The following FOXM1 variants were observed in gnomAD, a reference collection of about 807,000 sequenced individuals.
The protein encoded by FOXM1 is forkhead box protein M1.
Under a neutral mutation model 63.6 loss-of-function variants are expected in FOXM1, and 25 were observed. The ratio of observed to expected loss-of-function variants is 0.39; its 90% CI spans 0.29 to 0.55. The LOEUF is 0.55. Among genes scored for constraint, FOXM1 ranks in the 20% least tolerant of loss-of-function variants. The pLI, the probability that FOXM1 is intolerant of heterozygous loss-of-function variation, is 0.60. For missense variants in FOXM1, 879 were observed against 958.7 expected, an observed-to-expected ratio of 0.92 and a Z score of 1.10; for synonymous variants, 387 against 376.9, an observed-to-expected ratio of 1.03 and a Z score of -0.31.
At chr12:2,862,161 A>T (rs1475221722) in intron 8 of FOXM1, among the ~76,000 whole-genome samples, 1 of 150,900 alleles carries the variant, frequency 6.6e-6, no homozygotes, top group Non-Finnish European at 1.5e-5. Context: ...CCTGGGCGAC[A>T]GAGTGAGACT....
chr12:2,876,476 G>C (rs1391707053), intron 1 of FOXM1: 2 of 152,168 alleles, frequency 1.3e-5, no homozygotes, highest in African/African-American at 4.8e-5. Flanking sequence ...GGGAAATCTT[G>C]CTACATTCTC....
At position 2,874,582 on chromosome 12, in the gene FOXM1, C is replaced by T; in HGVS notation, c.-47-57G>A. Reference sequence around the variant, plus strand: ...AGATTGTTTAGGCTGAGAAGAGGTCCTTTTAGAGAAAGGTGCTCCTCTTTA... The same window carrying T: ...AGATTGTTTAGGCTGAGAAGAGGTCTTTTTAGAGAAAGGTGCTCCTCTTTA... On this transcript the variant is annotated intron_variant, in intron 1 of 8. Coordinates refer to ENST00000359843, the MANE Select transcript of FOXM1 (RefSeq NM_021953.4). The surrounding 1 kb of genome is among the most constrained non-coding windows in gnomAD (Gnocchi z 4.3). 2 of 1,237,912 alleles carry T rather than the reference C, an allele frequency of 1.6e-6. No homozygotes were observed. Among genetic ancestry groups the T allele is most frequent in the Non-Finnish European group, 2.2e-6 (2 of 893,794 alleles). 76.7% of individuals were successfully genotyped at this position (1,237,912 alleles called of 1,614,324 possible).
chr12:2,871,961 T>G (rs1165090686), intron 3 of FOXM1, 135 bp downstream of exon 3: 1 of 940,082 alleles, frequency 1.1e-6, no homozygotes, highest in Non-Finnish European at 1.7e-6. Context: ...TCAAAAGTTA[T>G]GCAGAATAGC....
At position 2,874,131 on chromosome 12, in the gene FOXM1, A is replaced by T. The variant is rs759840590; in HGVS notation, c.348T>A (p.Thr116=). 2 of 1,614,120 alleles carry T rather than the reference A, an allele frequency of 1.2e-6. No individual in the cohort carries two copies. Among genetic ancestry groups the T allele is most frequent in the Admixed American group, 3.3e-5 (2 of 60,006 alleles). The part of the protein sequence containing the change: ...FILISCGGAP[T]QPPGLRPQTQ... The stretch of plus-strand genomic sequence containing the variant: ...TTTGAGGCCGGAGTCCTGGAGGCTG[A>T]GTTGGGGCTCCCCCACAGCTGATGA... Residue 116 remains threonine, a synonymous_variant, in exon 2 of 9, where the codon ACT becomes ACA. Coordinates refer to ENST00000359843, the MANE Select transcript of FOXM1 (RefSeq NM_021953.4). The surrounding 1 kb of genome is among the most constrained non-coding windows in gnomAD (Gnocchi z 4.3).
intron 8 of FOXM1, among the ~76,000 whole-genome samples, chr12:2,860,637 C>A (rs908370466): frequency 3.3e-5 from 5 of 152,026 alleles, no homozygotes; most frequent in Non-Finnish European, 5.9e-5. Context: ...CTTTGGGAGG[C>A]CAAGGCAGGC....
At chr12:2,862,288 TGTATA>T (rs1382429551) in intron 8 of FOXM1, among the ~76,000 whole-genome samples, 9 of 151,986 alleles carry the variant, frequency 5.9e-5, no homozygotes, top group South Asian at 2.1e-4. Context: ...TCGCTATACA[TGTATA>T]GTATAACTAA....
Position 2,872,173 on chromosome 12 carries a change from C to G in FOXM1, c.577G>C (p.Asp193His). ...TTGATGCTGCGGGAGCCCAGTCCAT[C>G]AGAACTCATCTTTCGAAGCCACTGG... is the stretch of plus-strand genomic sequence containing the variant. Reference protein sequence around the residue: ...NIQWLRKMSSDGLGSRSIKQE... With the variant: ...NIQWLRKMSSHGLGSRSIKQE... Residue 193 changes from aspartate to histidine, a missense_variant, in exon 3 of 9, where the codon GAT becomes CAT. This residue lies in a region of FOXM1 where 255 missense variants were observed against 292.4 expected (regional missense o/e 0.87). Transcript: ENST00000359843. The surrounding 1 kb of genome is among the most constrained non-coding windows in gnomAD (Gnocchi z 4.0). The G allele has an allele frequency of 6.2e-7, 1 of 1,614,194 alleles. No individual in the cohort carries two copies. Among genetic ancestry groups the G allele is most frequent in the Middle Eastern group, 1.6e-4 (1 of 6,062 alleles).
intron 8 of FOXM1, among the ~76,000 whole-genome samples, chr12:2,863,021 GC>G (rs2098116773): frequency 6.6e-6 from 1 of 152,058 alleles, no homozygotes; most frequent in African/African-American, 2.4e-5. Context: ...ATCCAAGTTG[GC>G]TCTGAATTTA....
rs374998139 is a variant in FOXM1 at position 2,859,049 on chromosome 12, C to T, written c.1881G>A (p.Thr627=). 209 of 1,608,056 alleles carry T rather than the reference C, an allele frequency of 1.3e-4. 2 individuals carry two copies. The Middle Eastern group carries it at 2.0e-3, about 15-fold the overall frequency. ...LPRTPESWRL[T]PPAKVGGLDF... ...CCAGTCCCCCTACTTTGGCTGGGGG[C>T]GTGAGCCTCCAGGATTCAGGGGTTC... Residue 627 remains threonine, a synonymous_variant, in exon 9 of 9, where the codon ACG becomes ACA. Coordinates refer to ENST00000359843, the MANE Select transcript of FOXM1 (RefSeq NM_021953.4).
chr12:2,873,874 G>T, intron 2 of FOXM1, 103 bp downstream of exon 2: 1 of 1,340,934 alleles, frequency 7.5e-7, no homozygotes, highest in South Asian at 1.4e-5. Flanking sequence ...CACTGTGCTC[G>T]GCCAGAAGCC....
At position 2,864,232 on chromosome 12, in the gene FOXM1, G is replaced by C; in HGVS notation, c.1266+88C>G. 1 of 1,193,894 alleles carries C rather than the reference G, an allele frequency of 8.4e-7. No homozygotes were observed. Among genetic ancestry groups the C allele is most frequent in the Non-Finnish European group, 1.2e-6 (1 of 839,862 alleles). 74.0% of individuals were successfully genotyped at this position (1,193,894 alleles called of 1,614,324 possible). ...CCCAACTAGATTTATAAGCTCTCAA[G>C]GAACACTTATCAGAGTGCTTTGCAA... On this transcript the variant is annotated intron_variant, in intron 8 of 8. Coordinates refer to ENST00000359843, the MANE Select transcript of FOXM1 (RefSeq NM_021953.4). This position sits in a 1 kb window ranked among gnomAD's most constrained non-coding sequence, Gnocchi z 5.1.
chr12:2,873,973 A>G lies in FOXM1; in HGVS notation c.502+4T>C. On this transcript the variant is annotated splice_donor_region_variant and intron_variant, in intron 2 of 8. Coordinates refer to ENST00000359843, the MANE Select transcript of FOXM1 (RefSeq NM_021953.4). ...CTCACCCCTTTCCCTGGAAGACCAC[A>G]TACCACAGGTCTCCCGTTTCTGCTC... 6.2e-7 allele frequency: 1 copy of G among 1,607,318 alleles called. No individual in the cohort carries two copies.
chr12:2,859,582 A>G lies in FOXM1; in HGVS notation c.1348T>C (p.Phe450Leu), dbSNP rs28919868. 0.011 allele frequency: 18,509 copies of G among 1,613,496 alleles called. 1,784 individuals carry two copies. The African/African-American group carries it at 0.21, about 18-fold the overall frequency. The change falls in exon 9 of 9, where the codon TTT (phenylalanine) becomes CTT (leucine). Residue 450 changes from phenylalanine to leucine, a missense_variant. Transcript: ENST00000359843. The part of the protein sequence containing the change: ...KEEKLLFGEG[F>L]SPLLPVQTIK... ...GTCTGAACTGGAAGCAAAGGAGAAA[A>G]CCCTTCTCCAAACAGGAGTTTCTCC...
rs2098097086 is a variant in FOXM1 at position 2,858,539 on chromosome 12, AG to A, written c.*98del. ...AGCAGGGAGCTATGAGGAGCAGAACAGTCCCTGCCTGCTGTCCTCACTCAGA... is the reference window on the plus strand; with the variant it reads ...AGCAGGGAGCTATGAGGAGCAGAACATCCCTGCCTGCTGTCCTCACTCAGA... On this transcript the variant is annotated 3_prime_UTR_variant, in exon 9 of 9. Transcript: ENST00000359843. 1.9e-6 allele frequency: 2 copies of A among 1,028,344 alleles called. No homozygotes were observed. Among genetic ancestry groups the A allele is most frequent in the South Asian group, 3.2e-5 (2 of 62,528 alleles). 63.7% of individuals were successfully genotyped at this position (1,028,344 alleles called of 1,614,324 possible). A position where few individuals can be genotyped will look rare whatever the true frequency, so the allele number is the denominator to read the frequency against.
intron 4 of FOXM1, 29 bp from the exon 5 acceptor site, chr12:2,866,550 C>A: frequency 6.7e-7 from 1 of 1,491,816 alleles, no homozygotes; most frequent in South Asian, 1.4e-5. Context: ...AACTGGTTAT[C>A]AGCTACTTTA....
intron 2 of FOXM1, among the ~76,000 whole-genome samples, chr12:2,873,109 A>T (rs892159160): frequency 6.6e-6 from 1 of 152,110 alleles, no homozygotes; most frequent in African/African-American, 2.4e-5. Flanking sequence ...ATCAAGAAGG[A>T]AAATGAGGCC....
In FOXM1 at chr12:2,864,933, G is replaced by C. The variant is rs1192650756; in HGVS notation, c.1021-181C>G. The C allele has an allele frequency of 6.1e-6, 4 of 655,074 alleles. No homozygotes were observed. Among genetic ancestry groups the C allele is most frequent in the Non-Finnish European group, 1.1e-5 (4 of 367,882 alleles). 40.6% of individuals were successfully genotyped at this position (655,074 alleles called of 1,614,324 possible). ...CAGTCTCCAAAACTGTGATGAGTGGGCAGGTGGGTGGCCTACAGACACATG... is the reference window on the plus strand; with the variant it reads ...CAGTCTCCAAAACTGTGATGAGTGGCCAGGTGGGTGGCCTACAGACACATG... On this transcript the variant is annotated intron_variant, in intron 6 of 8. Coordinates refer to ENST00000359843, the MANE Select transcript of FOXM1 (RefSeq NM_021953.4). This position sits in a 1 kb window ranked among gnomAD's most constrained non-coding sequence, Gnocchi z 5.1.
At position 2,859,008 on chromosome 12, in the gene FOXM1, T is replaced by C. The variant is rs2098100873; in HGVS notation, c.1922A>G (p.Gln641Arg). 6.2e-7 allele frequency: 1 copy of C among 1,612,432 alleles called. No homozygotes were observed. The highest frequency in any genetic ancestry group is 1.3e-5 in the African/African-American group (1 of 74,834). Residue 641 changes from glutamine to arginine, a missense_variant, in exon 9 of 9, where the codon CAA becomes CGA. This residue lies in a region of FOXM1 where 486 missense variants were observed against 453.5 expected (regional missense o/e 1.07). Coordinates refer to ENST00000359843, the MANE Select transcript of FOXM1 (RefSeq NM_021953.4). ...KVGGLDFSPV[Q>R]TSQGASDPLP... ...GGGGTCAGAGGCACCCTGGGAGGTT[T>C]GTACTGGGCTGAAATCCAGTCCCCC...
At position 2,858,703 on chromosome 12, in the gene FOXM1, G is replaced by C. The variant is rs538863688; in HGVS notation, c.2227C>G (p.Leu743Val). 1 of 1,614,188 alleles carries C rather than the reference G, an allele frequency of 6.2e-7. No individual in the cohort carries two copies. The highest frequency in any genetic ancestry group is 8.5e-7 in the Non-Finnish European group (1 of 1,180,018). Residue 743 changes from leucine to valine, a missense_variant, in exon 9 of 9, where the codon CTG (leucine) becomes GTG (valine). Physicochemically the swap from Leu to Val is conservative, Grantham distance 32. Coordinates refer to ENST00000359843, the MANE Select transcript of FOXM1 (RefSeq NM_021953.4). ...TCAGGGCCCAGTGGGTCCTCGTCCA[G>C]GCCAGGAAAGCTGATGTCCAGCAGG... ...KILLDISFPG[L>V]DEDPLGPDNI...
Sources: gnomAD v4.1 joint callset for allele counts (sites outside exome capture counted in the v4.1 genomes callset) on GRCh38, gnomAD v4.1.1 for gene constraint, gnomAD v4.1.1 regional missense constraint, Gnocchi (gnomAD v3.1) non-coding constraint, MANE v1.5 for transcripts, NCBI Gene and HGNC (gene_info 2026-07-23, HGNC 2026-07-21) for gene names.